The following CASK variants were observed in gnomAD, a reference collection of about 807,000 sequenced individuals.
CASK encodes peripheral plasma membrane protein CASK.
A neutral mutation model predicts 82.9 loss-of-function variants in CASK; 4 were observed. That is an observed-to-expected ratio of 0.05 (90% CI 0.02 to 0.11). The LOEUF (loss-of-function observed/expected upper bound fraction) is 0.11, where lower values mean the gene tolerates loss of function less well. Ranked by LOEUF, CASK falls within the 10% of genes least tolerant of loss-of-function variation. The probability of loss-of-function intolerance (pLI) is 1.00; values close to 1 mark genes in which losing one functional copy is unlikely to be tolerated. For missense variants in CASK, 358 were observed against 720.9 expected, an observed-to-expected ratio of 0.50 and a Z score of 5.76; for synonymous variants, 259 against 253.5, an observed-to-expected ratio of 1.02 and a Z score of -0.20.
chrX:41,695,536 G>A, intron 5 of CASK: 1 of 549,881 alleles, frequency 1.8e-6, no homozygotes, highest in Non-Finnish European at 3.0e-6. Context: ...ATGACTCAAT[G>A]TTTGGCATTC....
chrX:41,727,977 G>A, intron 5 of CASK: 2 of 1,154,065 alleles, frequency 1.7e-6, no homozygotes, highest in Non-Finnish European at 2.4e-6. Context: ...AAACATTCAA[G>A]AAGACACTAT....
rs552812430 is a variant in CASK at position 41,574,709 on chromosome X, G to A, written c.1503+3631C>T. 8.0e-5 allele frequency among the ~76,000 whole-genome samples: 9 copies of A among 111,989 alleles called. No homozygotes were observed. The East Asian group carries it at 1.1e-3, about 14-fold the overall frequency. On this transcript the variant is annotated intron_variant, in intron 15 of 26. Transcript: ENST00000378163. ...GCTCAGGAGGCCTCGAATGGAGCCCGGAAATCTGTACTTTTTAACAGGCTC... is the reference window on the plus strand; with the variant it reads ...GCTCAGGAGGCCTCGAATGGAGCCCAGAAATCTGTACTTTTTAACAGGCTC...
chrX:41,907,351 C>T (rs1393268000), intron 1 of CASK, among the ~76,000 whole-genome samples: 1 of 111,940 alleles, frequency 8.9e-6, no homozygotes, highest in Admixed American at 9.5e-5. Context: ...TACAAGAAGG[C>T]CTTTCTTTCA....
At chrX:41,809,117 G>C (rs1322248145) in intron 2 of CASK, among the ~76,000 whole-genome samples, 1 of 112,428 alleles carries the variant, frequency 8.9e-6, no homozygotes, top group African/African-American at 3.2e-5. Context: ...GGAGCCCACC[G>C]CAGCTCAAGG....
chrX:41,813,212 G>A lies in CASK; in HGVS notation c.173-25929C>T, dbSNP rs148899763. Among the ~76,000 whole-genome samples the A allele has an allele frequency of 3.3e-3, 366 of 111,503 alleles. 3 individuals carry two copies. Among genetic ancestry groups the A allele is most frequent in the African/African-American group, 0.011 (342 of 30,700 alleles). On this transcript the variant is annotated intron_variant, in intron 2 of 26. Transcript: ENST00000378163. ...ATGGCATCCCCATCAAGCTACCAAT[G>A]ACTTTCTTCACGAAATTGGAAAAAA...
intron 5 of CASK, among the ~76,000 whole-genome samples, chrX:41,731,939 A>ATTT (rs1309557386): frequency 1.2e-5 from 1 of 84,182 alleles, no homozygotes; most frequent in Non-Finnish European, 2.4e-5. Flanking sequence ...TAATTTTTGT[A>ATTT]TTTTTTTTTT....
intron 9 of CASK, among the ~76,000 whole-genome samples, chrX:41,632,996 T>C (rs999868180): frequency 2.9e-5 from 3 of 103,618 alleles, no homozygotes; most frequent in Non-Finnish European, 5.9e-5. Context: ...TGAGCCGAGA[T>C]TGCGCCACTG....
chrX:41,744,279 T>C (rs2068647295), intron 4 of CASK, among the ~76,000 whole-genome samples: 1 of 111,011 alleles, frequency 9.0e-6, no homozygotes, highest in Admixed American at 9.6e-5. Flanking sequence ...CAGAAAGCTG[T>C]GTTGCTCTAA....
At chrX:41,869,285 G>A (rs1442640344) in intron 1 of CASK, among the ~76,000 whole-genome samples, 1 of 111,336 alleles carries the variant, frequency 9.0e-6, no homozygotes, top group Non-Finnish European at 1.9e-5. Flanking sequence ...GTTCTGAAAG[G>A]CTACGCCTAG....
At chrX:41,712,385 T>C (rs2067992779) in intron 5 of CASK, among the ~76,000 whole-genome samples, 1 of 112,589 alleles carries the variant, frequency 8.9e-6, no homozygotes, top group African/African-American at 3.2e-5. Context: ...TTAGACTTTG[T>C]CTGTCTGAGC....
intron 21 of CASK, 144 bp downstream of exon 21, chrX:41,553,575 T>G (rs2065126481): frequency 8.4e-6 from 4 of 476,065 alleles, no homozygotes; most frequent in Non-Finnish European, 1.4e-5. Context: ...AATTCTTGGA[T>G]GACTAATTTA....
chrX:41,622,385 ACTGT>A (rs1172514815), intron 11 of CASK, among the ~76,000 whole-genome samples: 1 of 112,416 alleles, frequency 8.9e-6, no homozygotes, highest in African/African-American at 3.2e-5. Flanking sequence ...AAATTTTAAC[ACTGT>A]CTTTTTTCCT....
intron 10 of CASK, among the ~76,000 whole-genome samples, chrX:41,623,664 G>A (rs186946501): frequency 4.8e-4 from 54 of 111,425 alleles, no homozygotes; most frequent in African/African-American, 1.7e-3. Flanking sequence ...CACCCACCTC[G>A]GCCTCCCAAA....
intron 1 of CASK, among the ~76,000 whole-genome samples, chrX:41,889,098 T>C (rs1242765093): frequency 9.2e-6 from 1 of 109,254 alleles, no homozygotes; most frequent in Non-Finnish European, 1.9e-5. Context: ...TCTATTCCAA[T>C]TGTTGAGAAC....
rs1282426612 is a variant in CASK at position 41,602,316 on chromosome X, CA to C, written c.1155+7587del. On this transcript the variant is annotated intron_variant, in intron 12 of 26. Coordinates refer to ENST00000378163, the MANE Select transcript of CASK (RefSeq NM_001367721.1). ...TTTAGTTTTCAGTATACAAATCCTA[CA>C]TTTTTTTTGTTCAATTTATTCCTAT... Among the ~76,000 whole-genome samples the C allele has an allele frequency of 1.5e-4, 17 of 111,526 alleles. No individual in the cohort carries two copies. The South Asian group carries it at 5.9e-3, about 39-fold the overall frequency.
At chrX:41,881,635 T>G (rs750654744) in intron 1 of CASK, among the ~76,000 whole-genome samples, 33 of 111,736 alleles carry the variant, frequency 3.0e-4, no homozygotes, top group Non-Finnish European at 5.1e-4. Flanking sequence ...GGTCACTTGA[T>G]ATGCCATTTT....
intron 3 of CASK, among the ~76,000 whole-genome samples, chrX:41,749,243 T>G (rs776157184): frequency 9.3e-6 from 1 of 107,011 alleles, no homozygotes; most frequent in African/African-American, 3.4e-5. Context: ...GAGCTGAGAT[T>G]GCACCACTGC....
At chrX:41,646,721 T>C (rs1421811960) in intron 8 of CASK, among the ~76,000 whole-genome samples, 1 of 111,792 alleles carries the variant, frequency 8.9e-6, no homozygotes, top group African/African-American at 3.2e-5. Flanking sequence ...CAGAGTTGTG[T>C]TAAGCCTCCT....
intron 5 of CASK, among the ~76,000 whole-genome samples, chrX:41,681,593 T>C (rs778456034): frequency 9.0e-6 from 1 of 111,497 alleles, no homozygotes; most frequent in African/African-American, 3.3e-5. Flanking sequence ...CATATTATTT[T>C]CACTGTGTTT....
Sources: gnomAD v4.1 joint callset for allele counts (sites outside exome capture counted in the v4.1 genomes callset) on GRCh38, gnomAD v4.1.1 for gene constraint, MANE v1.5 for transcripts, NCBI Gene and HGNC (gene_info 2026-07-23, HGNC 2026-07-21) for gene names.